The following BRINP3 variants were observed in gnomAD, a reference collection of about 807,000 sequenced individuals.
The protein encoded by BRINP3 is BMP/retinoic acid-inducible neural-specific protein 3.
Under a neutral mutation model 71.0 loss-of-function variants are expected in BRINP3, and 19 were observed. That is an observed-to-expected ratio of 0.27 (90% CI 0.19 to 0.39). BRINP3 has a LOEUF of 0.39. Ranked by LOEUF, BRINP3 falls within the 10% of genes least tolerant of loss-of-function variation. The pLI is 1.00. For synonymous variants in BRINP3, 380 were observed against 337.7 expected, an observed-to-expected ratio of 1.13 and a Z score of -1.37; for missense variants, 959 against 940.8, an observed-to-expected ratio of 1.02 and a Z score of -0.25.
At chr1:190,419,867 A>AC (rs1411585599) in intron 2 of BRINP3, among the ~76,000 whole-genome samples, 1 of 151,802 alleles carries the variant, frequency 6.6e-6, no homozygotes, top group Non-Finnish European at 1.5e-5. Context: ...TGATTAGAAA[A>AC]AAAAAATACT....
At chr1:190,306,272 C>G (rs1385876549) in intron 2 of BRINP3, among the ~76,000 whole-genome samples, 1 of 151,228 alleles carries the variant, frequency 6.6e-6, no homozygotes, top group Non-Finnish European at 1.5e-5. Context: ...AATTTCTGAG[C>G]AGAAGAGCAA....
chr1:190,406,983 G>A (rs924977572), intron 2 of BRINP3, among the ~76,000 whole-genome samples: 14 of 152,042 alleles, frequency 9.2e-5, no homozygotes, highest in African/African-American at 3.4e-4. Context: ...AACATATTAA[G>A]TGGATGTATG....
rs950308472 is a variant in BRINP3 at position 190,313,498 on chromosome 1, T to C, written c.237-31748A>G. ...AGCCTCCCTAAGTATAGAGTACTAT[T>C]AAAGCAAAATTCTGCAACCTATGTG... On this transcript the variant is annotated intron_variant, in intron 2 of 7. Transcript: ENST00000367462. 5.9e-5 allele frequency among the ~76,000 whole-genome samples: 9 copies of C among 152,144 alleles called. No individual in the cohort carries two copies. In the East Asian group the frequency reaches 1.7e-3, roughly 29 times the overall value.
chr1:190,358,778 T>C lies in BRINP3; in HGVS notation c.237-77028A>G, dbSNP rs182172976. Among the ~76,000 whole-genome samples, 4 of 152,204 alleles carry C rather than the reference T, an allele frequency of 2.6e-5. No homozygotes were observed. The East Asian group carries it at 5.8e-4, about 22-fold the overall frequency. On this transcript the variant is annotated intron_variant, in intron 2 of 7. Coordinates refer to ENST00000367462, the MANE Select transcript of BRINP3 (RefSeq NM_199051.3). The stretch of plus-strand genomic sequence containing the variant: ...GACCAACCCAAATGTCCAACAATGA[T>C]AGACTGGATTAAGAAAATGTGGCAC...
intron 1 of BRINP3, among the ~76,000 whole-genome samples, chr1:190,475,474 G>C (rs890773284): frequency 3.3e-5 from 5 of 152,134 alleles, no homozygotes; most frequent in Non-Finnish European, 7.4e-5. Flanking sequence ...GCACACGTTC[G>C]CTGCAGGGGC....
chr1:190,408,688 T>G (rs972652791), intron 2 of BRINP3, among the ~76,000 whole-genome samples: 1 of 152,332 alleles, frequency 6.6e-6, no homozygotes, highest in African/African-American at 2.4e-5. Context: ...ATCACATACA[T>G]TATACAATTA....
intron 2 of BRINP3, among the ~76,000 whole-genome samples, chr1:190,355,150 G>C (rs1668648303): frequency 6.6e-6 from 1 of 151,756 alleles, no homozygotes; most frequent in Non-Finnish European, 1.5e-5. Flanking sequence ...TAAACAGATA[G>C]TATTAAGTTT....
At chr1:190,364,063 A>G (rs1571866480) in intron 2 of BRINP3, among the ~76,000 whole-genome samples, 1 of 9,544 alleles carries the variant, frequency 1.0e-4, no homozygotes, top group Non-Finnish European at 3.6e-4. Context: ...TCCTTCTTAG[A>G]AAAAAAAAAG....
At chr1:190,333,114 C>A (rs1667071939) in intron 2 of BRINP3, among the ~76,000 whole-genome samples, 1 of 151,886 alleles carries the variant, frequency 6.6e-6, no homozygotes, top group South Asian at 2.1e-4. Context: ...CCTGACCCAA[C>A]ACTAATTGAT....
chr1:190,475,524 A>G (rs1449602037), intron 1 of BRINP3, among the ~76,000 whole-genome samples: 1 of 151,982 alleles, frequency 6.6e-6, no homozygotes, highest in Non-Finnish European at 1.5e-5. Context: ...AGTAGGGGAC[A>G]CCTTTCCTAC....
intron 2 of BRINP3, among the ~76,000 whole-genome samples, chr1:190,405,557 T>A (rs1164605849): frequency 1.4e-5 from 2 of 148,082 alleles, no homozygotes; most frequent in Non-Finnish European, 3.0e-5. Context: ...TTGAGCTCTG[T>A]TGATGCTGCA....
chr1:190,476,013 T>C (rs1349475541), intron 1 of BRINP3: 2 of 151,412 alleles, frequency 1.3e-5, no homozygotes, highest in African/African-American at 2.4e-5. Flanking sequence ...TAGAAACTAG[T>C]GACCTAGTGA....
At chr1:190,317,213 T>TA (rs937265022) in intron 2 of BRINP3, among the ~76,000 whole-genome samples, 2 of 147,566 alleles carry the variant, frequency 1.4e-5, no homozygotes, top group Admixed American at 6.8e-5. Flanking sequence ...TACCTTGCCT[T>TA]AAAAAACAAC....
In BRINP3 at chr1:190,265,031, A is replaced by C; in HGVS notation, c.452T>G (p.Val151Gly). Reference protein sequence around the residue: ...LGGEESLTIFVDKRKLSKRAE... With the variant: ...LGGEESLTIFGDKRKLSKRAE... ...TCGTTTGCTCAACTTCCGCTTGTCC[A>C]CAAAAATTGTGAGTGACTCCTCTCC... is the stretch of plus-strand genomic sequence containing the variant. Residue 151 changes from valine (V) to glycine (G), a missense_variant, in exon 4 of 8, where the codon GTG becomes GGG. Transcript: ENST00000367462. 6.2e-7 allele frequency: 1 copy of C among 1,607,622 alleles called. No homozygotes were observed. The highest frequency in any genetic ancestry group is 8.5e-7 in the Non-Finnish European group (1 of 1,177,804).
At chr1:190,360,663 A>G (rs1403714379) in intron 2 of BRINP3, among the ~76,000 whole-genome samples, 5 of 152,110 alleles carry the variant, frequency 3.3e-5, no homozygotes, top group Non-Finnish European at 7.4e-5. Context: ...AGTCAATGGC[A>G]TTGATTTTTT....
rs773365738 is a variant in BRINP3, at chr1:190,098,644, A to T, written c.1675T>A (p.Leu559Ile). 6.2e-7 allele frequency: 1 copy of T among 1,614,150 alleles called. No homozygotes were observed. The highest frequency in any genetic ancestry group is 8.5e-7 in the Non-Finnish European group (1 of 1,180,030). Reference protein sequence around the residue: ...MILGLSLQICLTKNSTLEPVL... With the variant: ...MILGLSLQICITKNSTLEPVL... ...GGCTCCAAGGTGCTGTTTTTAGTTA[A>T]GCAAATCTGTAAAGAGAGACCCAAA... The change falls in exon 8 of 8, where the codon TTA becomes ATA. Residue 559 changes from leucine (L) to isoleucine (I), a missense_variant. Transcript: ENST00000367462.
chr1:190,390,143 A>G (rs1348355299), intron 2 of BRINP3, among the ~76,000 whole-genome samples: 1 of 151,740 alleles, frequency 6.6e-6, no homozygotes, highest in African/African-American at 2.4e-5. Flanking sequence ...CAGCAGGTAA[A>G]TCTTGGGGGA....
At chr1:190,242,003 A>T (rs1659145736) in intron 4 of BRINP3, among the ~76,000 whole-genome samples, 1 of 151,696 alleles carries the variant, frequency 6.6e-6, no homozygotes, top group Non-Finnish European at 1.5e-5. Context: ...ATTAAGTCTT[A>T]TTTCAACATT....
At chr1:190,433,467 T>G (rs1674241684) in intron 2 of BRINP3, among the ~76,000 whole-genome samples, 1 of 152,214 alleles carries the variant, frequency 6.6e-6, no homozygotes, top group African/African-American at 2.4e-5. Flanking sequence ...TTCTGCTATT[T>G]TCTTTGCCTG....
Sources: gnomAD v4.1 joint callset for allele counts (sites outside exome capture counted in the v4.1 genomes callset) on GRCh38, gnomAD v4.1.1 for gene constraint, MANE v1.5 for transcripts, NCBI Gene and HGNC (gene_info 2026-07-23, HGNC 2026-07-21) for gene names.